The following CFH variants were observed in gnomAD, a reference collection of about 807,000 sequenced individuals.
The protein encoded by CFH is H factor 1 (complement).
Under a neutral mutation model 147.3 loss-of-function variants are expected in CFH, and 53 were observed. That is an observed-to-expected ratio of 0.36 (90% confidence interval 0.29 to 0.45). CFH has a LOEUF of 0.45. Among genes scored for constraint, CFH ranks in the 20% least tolerant of loss-of-function variants. The pLI, the probability that CFH is intolerant of heterozygous loss-of-function variation, is 1.00. For missense variants in CFH, 1,380 were observed against 1,498.0 expected (o/e 0.92, Z 1.30); for synonymous variants, 536 against 489.4 (o/e 1.10, Z -1.26).
Position 196,689,587 on chromosome 1 carries a change from G to A in CFH, c.1132G>A (p.Gly378Arg), listed in dbSNP as rs1323960779. The A allele has an allele frequency of 6.2e-7, 1 of 1,613,336 alleles. No homozygotes were observed. The highest frequency in any genetic ancestry group is 8.5e-7 in the Non-Finnish European group (1 of 1,179,646). ...YWDHIHCTQDGWSPAVPCLRK... is the reference protein window; with the variant it reads ...YWDHIHCTQDRWSPAVPCLRK... ...GGATCACATTCATTGCACACAAGAT[G>A]GATGGTCGCCAGCAGTACCATGCCT... is the stretch of plus-strand genomic sequence containing the variant. The change falls in exon 8 of 22, where the codon GGA (glycine) becomes AGA (arginine). Residue 378 changes from glycine (G) to arginine (R), a missense_variant. Physicochemically the swap from Gly to Arg is moderately radical, Grantham distance 125. Around this residue, in one of 4 missense-constraint regions of CFH, gnomAD observed 167 missense variants for 228.0 expected, o/e 0.73. Transcript: ENST00000367429.
chr1:196,681,811 C>T (rs1036407732), intron 6 of CFH, among the ~76,000 whole-genome samples: 2 of 151,646 alleles, frequency 1.3e-5, no homozygotes, highest in East Asian at 3.9e-4. Flanking sequence ...AAAAGAATTC[C>T]ACTCTTTGTA....
chr1:196,704,557 T>C (rs1668541244), intron 9 of CFH, among the ~76,000 whole-genome samples: 1 of 152,178 alleles, frequency 6.6e-6, no homozygotes, highest in South Asian at 2.1e-4. Flanking sequence ...GAAGAGATAC[T>C]CCAAAAGGTT....
intron 15 of CFH, among the ~76,000 whole-genome samples, chr1:196,735,114 A>G (rs905792956): frequency 2.0e-5 from 3 of 152,160 alleles, no homozygotes; most frequent in African/African-American, 7.2e-5. Flanking sequence ...TGTATGTTCT[A>G]TGTGTCGGGA....
chr1:196,692,748 TTCTTTCTTTC>T (rs1668088526), intron 9 of CFH, among the ~76,000 whole-genome samples: 4 of 3,304 alleles, frequency 1.2e-3, no homozygotes, highest in African/African-American at 4.8e-3. Context: ...TCCTTTCTTT[TTCTTTCTTTC>T]TTTCTTTCTT....
chr1:196,739,697 A>G (rs1652741994), intron 17 of CFH, among the ~76,000 whole-genome samples: 3 of 152,206 alleles, frequency 2.0e-5, no homozygotes, highest in Middle Eastern at 3.4e-3. Flanking sequence ...AGTTCCAAAC[A>G]TTTTAACATT....
chr1:196,677,265 C>G (rs1294831467), intron 4 of CFH: 1 of 519,408 alleles, frequency 1.9e-6, no homozygotes, highest in African/African-American at 1.9e-5. Flanking sequence ...TTTTCATTGT[C>G]CACTCCCATA....
intron 11 of CFH, among the ~76,000 whole-genome samples, chr1:196,717,754 C>G (rs188108987): frequency 2.0e-4 from 31 of 152,204 alleles, no homozygotes; most frequent in Admixed American, 2.6e-4. Flanking sequence ...AGGCTGAACA[C>G]ATGACTTACA....
chr1:196,718,372 G>A (rs955081180), intron 11 of CFH, among the ~76,000 whole-genome samples: 3 of 152,102 alleles, frequency 2.0e-5, no homozygotes, highest in Non-Finnish European at 2.9e-5. Context: ...GGAAGTCATC[G>A]ATGCAAAGAA....
chr1:196,726,162 T>A (rs907738188), intron 12 of CFH, among the ~76,000 whole-genome samples: 3 of 152,202 alleles, frequency 2.0e-5, no homozygotes, highest in African/African-American at 7.2e-5. Flanking sequence ...TCCAAAATGT[T>A]ATGATAAAAT....
At position 196,745,149 on chromosome 1, in the gene CFH, C is replaced by A. The variant is rs1652956399; in HGVS notation, c.3311-668C>A. On this transcript the variant is annotated intron_variant, in intron 20 of 21. Transcript: ENST00000367429. ...ATTTTAATGTATATTGGTATAAATT[C>A]CAATGTTTTTATCCTCTTTGGAGTT... 2.0e-5 allele frequency among the ~76,000 whole-genome samples: 3 copies of A among 151,756 alleles called. No homozygotes were observed. The South Asian group carries it at 6.2e-4, about 32-fold the overall frequency.
intron 9 of CFH, among the ~76,000 whole-genome samples, chr1:196,707,888 A>G (rs888208247): frequency 6.6e-6 from 1 of 152,202 alleles, no homozygotes; most frequent in Non-Finnish European, 1.5e-5. Context: ...CTTCCTGTCT[A>G]TTCCCTGCCT....
Position 196,728,041 on chromosome 1 carries a change from A to G in CFH, c.2237-305A>G, listed in dbSNP as rs972233188. On this transcript the variant is annotated intron_variant, in intron 14 of 21. Coordinates refer to ENST00000367429, the MANE Select transcript of CFH (RefSeq NM_000186.4). Reference sequence around the variant, plus strand: ...AAGTTTTCCTGGGTCCTGAATTCTAAGAGTCCTAATGTCCAATCATACTTA... The same window carrying G: ...AAGTTTTCCTGGGTCCTGAATTCTAGGAGTCCTAATGTCCAATCATACTTA... Among the ~76,000 whole-genome samples, 26 of 152,146 alleles carry G rather than the reference A, an allele frequency of 1.7e-4. 1 individual carries two copies. The highest frequency in any genetic ancestry group is 6.0e-4 in the African/African-American group (25 of 41,434).
Position 196,744,863 on chromosome 1 carries a change from C to T in CFH, c.3311-954C>T, listed in dbSNP as rs376096868. ...AATTTGAAGAATTCCTTTAGTTAAT[C>T]TTTAGGCATAGGTCTACTGGAGACA... On this transcript the variant is annotated intron_variant, in intron 20 of 21. Coordinates refer to ENST00000367429, the MANE Select transcript of CFH (RefSeq NM_000186.4). 2.2e-4 allele frequency among the ~76,000 whole-genome samples: 33 copies of T among 152,110 alleles called. No homozygotes were observed. In the East Asian group the frequency reaches 5.2e-3, roughly 24 times the overall value.
At chr1:196,705,821 G>C (rs1668571557) in intron 9 of CFH, among the ~76,000 whole-genome samples, 2 of 152,182 alleles carry the variant, frequency 1.3e-5, no homozygotes, top group African/African-American at 4.8e-5. Context: ...CAGAAGTGGA[G>C]CTACTGACTT....
chr1:196,699,568 G>A (rs998235649), intron 9 of CFH, among the ~76,000 whole-genome samples: 1 of 151,994 alleles, frequency 6.6e-6, no homozygotes, highest in African/African-American at 2.4e-5. Flanking sequence ...TATAGATTAC[G>A]CTCTTTGTGT....
chr1:196,679,907 A>G (rs943504300), intron 6 of CFH, 114 bp downstream of exon 6: 2 of 968,484 alleles, frequency 2.1e-6, no homozygotes, highest in Non-Finnish European at 3.1e-6. Context: ...ATGTAAATAA[A>G]CTATTATAAA....
chr1:196,715,778 T>C lies in CFH; in HGVS notation c.1696+9T>C. 1 of 1,584,406 alleles carries C rather than the reference T, an allele frequency of 6.3e-7. No homozygotes were observed. The highest frequency in any genetic ancestry group is 8.6e-7 in the Non-Finnish European group (1 of 1,164,068). ...TTTACCCATATGTTATGGTAAGTAC[T>C]GGTTTTTCAGAAATTCATTTTCAAA... On this transcript the variant is annotated intron_variant, in intron 11 of 21. Coordinates refer to ENST00000367429, the MANE Select transcript of CFH (RefSeq NM_000186.4).
At chr1:196,739,623 C>T (rs1227960451) in intron 17 of CFH, among the ~76,000 whole-genome samples, 2 of 152,164 alleles carry the variant, frequency 1.3e-5, no homozygotes, top group African/African-American at 4.8e-5. Flanking sequence ...AGCCATTCAA[C>T]AAGCCTCTAG....
chr1:196,740,848 A>G (rs1272165970), intron 18 of CFH, 56 bp downstream of exon 18: 2 of 1,531,788 alleles, frequency 1.3e-6, no homozygotes, highest in East Asian at 2.3e-5. Context: ...TTCAAAGTGT[A>G]AGTGGTACCA....
Sources: gnomAD v4.1 joint callset for allele counts (sites outside exome capture counted in the v4.1 genomes callset) on GRCh38, gnomAD v4.1.1 for gene constraint, gnomAD v4.1.1 regional missense constraint, MANE v1.5 for transcripts, NCBI Gene and HGNC (gene_info 2026-07-23, HGNC 2026-07-21) for gene names.